Variants in SV2B observed in about 807,000 individuals in gnomAD.
SV2B encodes synaptic vesicle glycoprotein 2B, also known as solute carrier family 22 member B2.
A neutral mutation model predicts 73.9 loss-of-function variants in SV2B; 41 were observed. The ratio of observed to expected loss-of-function variants is 0.56; its 90% confidence interval spans 0.43 to 0.72. The LOEUF is 0.72. SV2B is among the 30% of genes least tolerant of loss of function. The pLI, the probability that SV2B is intolerant of heterozygous loss-of-function variation, is 0.00. For missense variants in SV2B, 764 were observed against 857.8 expected (o/e 0.89, Z 1.37); for synonymous variants, 314 against 314.2 (o/e 1.00, Z 0.01).
At chr15:91,209,122 T>G (rs561058059) in intron 1 of SV2B, among the ~76,000 whole-genome samples, 259 of 142,078 alleles carry the variant, frequency 1.8e-3, no homozygotes, top group Non-Finnish European at 3.0e-3. Context: ...TTGTTTTTTT[T>G]TTTTTTTTTT....
At chr15:91,276,651 G>A (rs570313056) in intron 9 of SV2B, among the ~76,000 whole-genome samples, 11 of 151,698 alleles carry the variant, frequency 7.3e-5, no homozygotes, top group South Asian at 2.1e-4. Flanking sequence ...CAATTCTAGC[G>A]TTTCTTTCTG....
At chr15:91,247,720 G>A (rs1223169000) in intron 2 of SV2B, among the ~76,000 whole-genome samples, 1 of 152,154 alleles carries the variant, frequency 6.6e-6, no homozygotes, top group Non-Finnish European at 1.5e-5. Context: ...ACAGGGAACA[G>A]AAAGGACAGG....
chr15:91,178,035 T>C (rs1488042608), intron 1 of SV2B, among the ~76,000 whole-genome samples: 1 of 151,784 alleles, frequency 6.6e-6, no homozygotes, highest in African/African-American at 2.4e-5. Context: ...GGGTTTGTCA[T>C]AGATAGCTCT....
Position 91,225,889 on chromosome 15 carries a change from G to T in SV2B, c.-375G>T, listed in dbSNP as rs2046358613. On this transcript the variant is annotated 5_prime_UTR_variant, in exon 2 of 13. Coordinates refer to ENST00000394232, the MANE Select transcript of SV2B (RefSeq NM_001323032.3). Reference sequence around the variant, plus strand: ...TGTTCTCAGAGCATAACCTTCGGTGGCAGGACAAATCAGGCCAGCACGCAG... The same window carrying T: ...TGTTCTCAGAGCATAACCTTCGGTGTCAGGACAAATCAGGCCAGCACGCAG... 1 of 244,396 alleles carries T rather than the reference G, an allele frequency of 4.1e-6. No individual in the cohort carries two copies. 15.1% of individuals were successfully genotyped at this position (244,396 alleles called of 1,614,324 possible).
chr15:91,152,069 C>G (rs2043329659), intron 1 of SV2B, among the ~76,000 whole-genome samples: 1 of 103,410 alleles, frequency 9.7e-6, no homozygotes, highest in Non-Finnish European at 1.9e-5. Context: ...TTAATTTTTA[C>G]TCTTTTTTTT....
chr15:91,232,991 A>G lies in SV2B; in HGVS notation c.451+6277A>G, dbSNP rs138591522. Among the ~76,000 whole-genome samples, 806 of 152,314 alleles carry G rather than the reference A, an allele frequency of 5.3e-3. 7 individuals carry two copies. Among genetic ancestry groups the G allele is most frequent in the African/African-American group, 0.018 (755 of 41,572 alleles). Reference sequence around the variant, plus strand: ...TCTACTCCTGCATTAATTTGCTTAGAATTATGGCCTCCAGTTGCATCCATG... The same window carrying G: ...TCTACTCCTGCATTAATTTGCTTAGGATTATGGCCTCCAGTTGCATCCATG... On this transcript the variant is annotated intron_variant, in intron 2 of 12. Coordinates refer to ENST00000394232, the MANE Select transcript of SV2B (RefSeq NM_001323032.3). This position sits in a 1 kb window ranked among gnomAD's most constrained non-coding sequence, Gnocchi z 4.7.
At chr15:91,144,912 A>G (rs1048497904) in intron 1 of SV2B, among the ~76,000 whole-genome samples, 19 of 128,766 alleles carry the variant, frequency 1.5e-4, no homozygotes, top group African/African-American at 3.3e-4. Context: ...TTTTTTTTTT[A>G]TGGAAGTCAC....
Position 91,184,319 on chromosome 15 carries a change from C to T in SV2B, c.-391-41554C>T, listed in dbSNP as rs62025249. Among the ~76,000 whole-genome samples, 1,290 of 152,220 alleles carry T rather than the reference C, an allele frequency of 8.5e-3. 8 individuals carry two copies. Among genetic ancestry groups the T allele is most frequent in the Admixed American group, 0.015 (235 of 15,290 alleles). On this transcript the variant is annotated intron_variant, in intron 1 of 12. Transcript: ENST00000394232. Reference sequence around the variant, plus strand: ...GTCAGTCAGATGAGATTTTGAATTCCGACCTCTATTTACCAGATTTTGAAT... The same window carrying T: ...GTCAGTCAGATGAGATTTTGAATTCTGACCTCTATTTACCAGATTTTGAAT...
chr15:91,115,551 A>G lies in SV2B; in HGVS notation c.-392+15188A>G, dbSNP rs1304505744. Among the ~76,000 whole-genome samples, 1 of 144,696 alleles carries G rather than the reference A, an allele frequency of 6.9e-6. No homozygotes were observed. The highest frequency in any genetic ancestry group is 1.5e-5 in the Non-Finnish European group (1 of 65,550). The allele number at this position is 144,696 out of a possible 152,430, so 94.9% of individuals were successfully genotyped here. A position where few individuals can be genotyped will look rare whatever the true frequency, so the allele number is the denominator to read the frequency against. ...CATGCCTGGCTATTTTTTTTTTTGT[A>G]TTTTTAGTAGAGACAGGGTCTCGCC... On this transcript the variant is annotated intron_variant, in intron 1 of 12. Transcript: ENST00000394232. The surrounding 1 kb of genome is among the most constrained non-coding windows in gnomAD (Gnocchi z 4.3).
In SV2B at chr15:91,100,851, C is replaced by T. The variant is rs1205762363; in HGVS notation, c.-392+488C>T. 6.6e-6 allele frequency among the ~76,000 whole-genome samples: 1 copy of T among 152,168 alleles called. No individual in the cohort carries two copies. The highest frequency in any genetic ancestry group is 1.5e-5 in the Non-Finnish European group (1 of 68,038). On this transcript the variant is annotated intron_variant, in intron 1 of 12. Transcript: ENST00000394232. This position sits in a 1 kb window ranked among gnomAD's most constrained non-coding sequence, Gnocchi z 6.4. ...ATTTCTGTATGTGCAGGGCGCCCTCCGTGGGCGTGGGAGCCGTTTCTTAGG... is the reference window on the plus strand; with the variant it reads ...ATTTCTGTATGTGCAGGGCGCCCTCTGTGGGCGTGGGAGCCGTTTCTTAGG...
chr15:91,194,708 T>C (rs929970228), intron 1 of SV2B, among the ~76,000 whole-genome samples: 1 of 152,232 alleles, frequency 6.6e-6, no homozygotes, highest in Non-Finnish European at 1.5e-5. Context: ...GACAACTCAC[T>C]GACTTCAACG....
intron 1 of SV2B, among the ~76,000 whole-genome samples, chr15:91,156,104 C>T (rs2043481728): frequency 6.6e-6 from 1 of 152,086 alleles, no homozygotes. Context: ...GTCAGAGGAG[C>T]TTCCAGATCA....
At chr15:91,127,119 G>A (rs1175587392) in intron 1 of SV2B, among the ~76,000 whole-genome samples, 4 of 152,244 alleles carry the variant, frequency 2.6e-5, no homozygotes, top group Non-Finnish European at 5.9e-5. Flanking sequence ...ACAATGGGAT[G>A]ATAATTATAC....
intron 6 of SV2B, among the ~76,000 whole-genome samples, chr15:91,264,947 C>A (rs985731265): frequency 1.1e-4 from 16 of 151,988 alleles, no homozygotes; most frequent in African/African-American, 3.6e-4. Flanking sequence ...GTTATGGGCT[C>A]AGTATTCTAT....
chr15:91,104,171 CAT>C (rs762613385), intron 1 of SV2B, among the ~76,000 whole-genome samples: 1 of 152,242 alleles, frequency 6.6e-6, no homozygotes, highest in African/African-American at 2.4e-5. Flanking sequence ...TATTTTCTCA[CAT>C]GTCTCTTGGT....
In SV2B at chr15:91,284,190, C is replaced by T; in HGVS notation, c.1677C>T (p.Leu559=). The change falls in exon 11 of 13, where the codon CTC becomes CTT. Residue 559 remains leucine (L), a synonymous_variant. Transcript: ENST00000394232. This position sits in a 1 kb window ranked among gnomAD's most constrained non-coding sequence, Gnocchi z 4.5. The part of the protein sequence containing the change: ...VLPGNIISAL[L]MDRIGRLKMI... ...CCGGGAACATCATTTCTGCCCTGCT[C>T]ATGGATAGAATTGGAAGGCTCAAGA... 1 of 1,614,158 alleles carries T rather than the reference C, an allele frequency of 6.2e-7. No individual in the cohort carries two copies. The highest frequency in any genetic ancestry group is 8.5e-7 in the Non-Finnish European group (1 of 1,180,034).
At chr15:91,150,000 GTC>G (rs2043264717) in intron 1 of SV2B, among the ~76,000 whole-genome samples, 3 of 152,124 alleles carry the variant, frequency 2.0e-5, no homozygotes, top group African/African-American at 7.2e-5. Context: ...CTTTCTGTCT[GTC>G]TCTCTTTATT....
At chr15:91,116,490 C>T (rs2042181944) in intron 1 of SV2B, among the ~76,000 whole-genome samples, 1 of 152,210 alleles carries the variant, frequency 6.6e-6, no homozygotes, top group African/African-American at 2.4e-5. Context: ...GTGTGCTCTG[C>T]ATCCCGTGCA....
rs944111455 is a variant in SV2B at position 91,283,542 on chromosome 15, C to T, written c.1508-479C>T. Among the ~76,000 whole-genome samples, 1 of 152,070 alleles carries T rather than the reference C, an allele frequency of 6.6e-6. No individual in the cohort carries two copies. The highest frequency in any genetic ancestry group is 1.5e-5 in the Non-Finnish European group (1 of 68,010). On this transcript the variant is annotated intron_variant, in intron 10 of 12. Transcript: ENST00000394232. This position sits in a 1 kb window ranked among gnomAD's most constrained non-coding sequence, Gnocchi z 4.3. The stretch of plus-strand genomic sequence containing the variant: ...CCTTGACCTCCTGGGCTCAAGTGAT[C>T]CTCCTGCCTCAGGTGCCAGAGTAGC...
Sources: gnomAD v4.1 joint callset for allele counts (sites outside exome capture counted in the v4.1 genomes callset) on GRCh38, gnomAD v4.1.1 for gene constraint, Gnocchi (gnomAD v3.1) non-coding constraint, MANE v1.5 for transcripts, NCBI Gene and HGNC (gene_info 2026-07-23, HGNC 2026-07-21) for gene names.